ARHGAP25: variants seen among roughly 807,000 people sequenced by gnomAD.
The protein encoded by ARHGAP25 is rho GTPase-activating protein 25.
Under a neutral mutation model 71.0 loss-of-function variants are expected in ARHGAP25, and 34 were observed. The ratio of observed to expected loss-of-function variants is 0.48; its 90% CI spans 0.36 to 0.64. The LOEUF (loss-of-function observed/expected upper bound fraction) is 0.64, where lower values mean the gene tolerates loss of function less well. ARHGAP25 is among the 30% of genes least tolerant of loss of function. The pLI is 0.00. For synonymous variants in ARHGAP25, 282 were observed against 296.5 expected (o/e 0.95, Z 0.50); for missense variants, 706 against 805.1 (o/e 0.88, Z 1.49).
rs778252534 is a variant in ARHGAP25 at position 68,826,046 on chromosome 2, A to G, written c.1793A>G (p.Glu598Gly). The G allele has an allele frequency of 6.2e-6, 10 of 1,614,056 alleles. No homozygotes were observed. In the East Asian group the frequency reaches 2.2e-4, roughly 36 times the overall value. ...GTGGTGAGGCTCAATGAAGAACTGGAGAAGGAAAAGAAGAAGTCTGCAGCC... is the reference window on the plus strand; with the variant it reads ...GTGGTGAGGCTCAATGAAGAACTGGGGAAGGAAAAGAAGAAGTCTGCAGCC... ...AKVVRLNEEL[E>G]KEKKKSAALE... The change falls in exon 11 of 11, where the codon GAG becomes GGG. Residue 598 changes from glutamate (E) to glycine (G), a missense_variant. Physicochemically the swap from Glu to Gly is moderately conservative, Grantham distance 98. Transcript: ENST00000409202.
At chr2:68,737,276 A>G (rs189791377) in intron 1 of ARHGAP25, among the ~76,000 whole-genome samples, 1 of 152,300 alleles carries the variant, frequency 6.6e-6, no homozygotes, top group East Asian at 1.9e-4. Flanking sequence ...TCCAGGTGTA[A>G]CTGTAGGAAC....
Position 68,775,087 on chromosome 2 carries a change from G to A in ARHGAP25, c.62-134G>A, listed in dbSNP as rs1677778935. Reference sequence around the variant, plus strand: ...GGGGGACTTTCTCTGGCTCAGATCCGGACCCCTGAACTGGACCTGGTTGTC... The same window carrying A: ...GGGGGACTTTCTCTGGCTCAGATCCAGACCCCTGAACTGGACCTGGTTGTC... On this transcript the variant is annotated intron_variant, in intron 1 of 10. Coordinates refer to ENST00000409202, the MANE Select transcript of ARHGAP25 (RefSeq NM_001007231.3). The A allele has an allele frequency of 4.5e-6, 7 of 1,564,316 alleles. 1 individual carries two copies. The South Asian group carries it at 6.0e-5, about 13-fold the overall frequency.
chr2:68,715,330 G>A (rs1320664559), intron 2 of ARHGAP25, among the ~76,000 whole-genome samples: 1 of 151,480 alleles, frequency 6.6e-6, no homozygotes, highest in African/African-American at 2.4e-5. Context: ...AAATTCTCCA[G>A]GCCATTCTGA....
In ARHGAP25 at chr2:68,791,429, T is replaced by A. The variant is rs115495925; in HGVS notation, c.466+3473T>A. 2.5e-3 allele frequency among the ~76,000 whole-genome samples: 380 copies of A among 152,272 alleles called. 3 individuals carry two copies. Among genetic ancestry groups the A allele is most frequent in the African/African-American group, 8.7e-3 (362 of 41,548 alleles). On this transcript the variant is annotated intron_variant, in intron 4 of 10. Transcript: ENST00000409202. ...CCTCAGTAGGCTCTTCTCTGTTAGATGATGATCAGCTTATCTGAGAGATTA... is the reference window on the plus strand; with the variant it reads ...CCTCAGTAGGCTCTTCTCTGTTAGAAGATGATCAGCTTATCTGAGAGATTA...
chr2:68,747,881 T>A (rs1344753647), intron 1 of ARHGAP25, among the ~76,000 whole-genome samples: 1 of 151,576 alleles, frequency 6.6e-6, no homozygotes, highest in Non-Finnish European at 1.5e-5. Context: ...TTCCGTTATC[T>A]CCAATGCTGT....
intron 2 of ARHGAP25, among the ~76,000 whole-genome samples, chr2:68,723,716 G>A (rs537811409): frequency 2.0e-5 from 3 of 152,326 alleles, no homozygotes; most frequent in East Asian, 1.9e-4. Flanking sequence ...GTATACCAAC[G>A]TGGAATGAAT....
At chr2:68,799,512 G>A (rs1679811710) in intron 4 of ARHGAP25, among the ~76,000 whole-genome samples, 1 of 152,316 alleles carries the variant, frequency 6.6e-6, no homozygotes, top group South Asian at 2.1e-4. Context: ...TAAACGCTAA[G>A]TGAAATTCTG....
At chr2:68,813,783 C>T (rs1006977678) in intron 6 of ARHGAP25, among the ~76,000 whole-genome samples, 5 of 152,206 alleles carry the variant, frequency 3.3e-5, no homozygotes, top group Non-Finnish European at 5.9e-5. Flanking sequence ...TCAAGCTCTA[C>T]AGCAGCTGTG....
chr2:68,721,610 G>A (rs1432163518), intron 2 of ARHGAP25, among the ~76,000 whole-genome samples: 10 of 152,164 alleles, frequency 6.6e-5, no homozygotes, highest in Admixed American at 6.5e-4. Context: ...AATCACTCAA[G>A]GTGAACCATG....
chr2:68,774,074 A>G (rs6747922), intron 1 of ARHGAP25, among the ~76,000 whole-genome samples: 125,485 of 152,040 alleles, frequency 0.83, 52,163 homozygotes, highest in Non-Finnish European at 0.86. Context: ...TAGCTGTGTC[A>G]TGAGTGGTCC....
At chr2:68,714,055 G>A (rs771251712) in intron 2 of ARHGAP25, among the ~76,000 whole-genome samples, 1 of 152,206 alleles carries the variant, frequency 6.6e-6, no homozygotes, top group Non-Finnish European at 1.5e-5. Context: ...GTTTCAGAAG[G>A]AATGGTACCA....
rs1675148679 is a variant in ARHGAP25 at position 68,735,207 on chromosome 2, T to C, written c.8T>C (p.Leu3Pro). MS[L>P]KLPRNWDFNL... ...ACTTAAACTGGAAGCAAAATGTCCC[T>C]AAAATTGCCAAGGAACTGGGATTTC... Residue 3 changes from leucine to proline, a missense_variant, in exon 1 of 11, where the codon CTA (leucine) becomes CCA (proline). Physicochemically the swap from Leu to Pro is moderately conservative, Grantham distance 98. Transcript: ENST00000409202. 1 of 1,614,018 alleles carries C rather than the reference T, an allele frequency of 6.2e-7. No homozygotes were observed. The highest frequency in any genetic ancestry group is 8.5e-7 in the Non-Finnish European group (1 of 1,179,962).
At chr2:68,794,680 T>C (rs1287995276) in intron 4 of ARHGAP25, among the ~76,000 whole-genome samples, 1 of 152,216 alleles carries the variant, frequency 6.6e-6, no homozygotes, top group South Asian at 2.1e-4. Flanking sequence ...TAGTATTTTG[T>C]TGAGGATTTT....
In ARHGAP25 at chr2:68,775,276, C is replaced by T; in HGVS notation, c.117C>T (p.Ser39=). 6.2e-7 allele frequency: 1 copy of T among 1,614,246 alleles called. No homozygotes were observed. Among genetic ancestry groups the T allele is most frequent in the Non-Finnish European group, 8.5e-7 (1 of 1,180,036 alleles). The change falls in exon 2 of 11, where the codon TCC becomes TCT. Residue 39 remains serine, a synonymous_variant. Transcript: ENST00000409202. The part of the protein sequence containing the change: ...GEQMAAFHPS[S]TPNPLERPIK... ...AGATGGCTGCCTTCCATCCATCGTC[C>T]ACCCCCAACCCGCTGGAGAGGCCCA...
At chr2:68,808,720 T>C (rs1680560118) in intron 5 of ARHGAP25, among the ~76,000 whole-genome samples, 1 of 152,346 alleles carries the variant, frequency 6.6e-6, no homozygotes, top group East Asian at 1.9e-4. Flanking sequence ...AGTTTCTTTT[T>C]ATGTTTTCAG....
chr2:68,733,879 C>T (rs768364965), upstream of ARHGAP25, among the ~76,000 whole-genome samples: 2 of 152,196 alleles, frequency 1.3e-5, no homozygotes, highest in Non-Finnish European at 2.9e-5. Flanking sequence ...CTACTAAAGC[C>T]TCACAACAGC....
chr2:68,795,801 A>G (rs1679498765), intron 4 of ARHGAP25, among the ~76,000 whole-genome samples: 1 of 152,192 alleles, frequency 6.6e-6, no homozygotes, highest in African/African-American at 2.4e-5. Context: ...AGTCTAATTT[A>G]AGACTTTTAA....
intron 4 of ARHGAP25, among the ~76,000 whole-genome samples, chr2:68,803,422 G>T (rs1680152084): frequency 6.6e-6 from 1 of 152,152 alleles, no homozygotes; most frequent in African/African-American, 2.4e-5. Context: ...GATTGTGATG[G>T]GTTGAGAGGC....
In ARHGAP25 at chr2:68,775,570, C is replaced by T. The variant is rs77221619; in HGVS notation, c.261+150C>T. On this transcript the variant is annotated intron_variant, in intron 2 of 10. Transcript: ENST00000409202. ...ATTGCTTTTCCCTTTACACCATTTT[C>T]TAGATACATAAACTGAGTTGCAAAG... 3.8e-4 allele frequency: 454 copies of T among 1,208,298 alleles called. 5 individuals carry two copies. In the African/African-American group the frequency reaches 6.1e-3, roughly 16 times the overall value. The allele number at this position is 1,208,298 out of a possible 1,614,324, so 74.8% of individuals were successfully genotyped here.
Sources: gnomAD v4.1 joint callset for allele counts (sites outside exome capture counted in the v4.1 genomes callset) on GRCh38, gnomAD v4.1.1 for gene constraint, MANE v1.5 for transcripts, NCBI Gene and HGNC (gene_info 2026-07-23, HGNC 2026-07-21) for gene names.